The following MARCHF1 variants were observed in gnomAD, a reference collection of about 807,000 sequenced individuals.
MARCHF1 encodes E3 ubiquitin-protein ligase MARCHF1.
In MARCHF1, 40 loss-of-function variants were observed where a neutral mutation model predicts 54.2. The observed-to-expected ratio is 0.74, with a 90% confidence interval of 0.57 to 0.96. The LOEUF is 0.96. Among genes scored for constraint, MARCHF1 ranks in the 40% least tolerant of loss-of-function variants. MARCHF1 has a pLI of 0.00. For missense variants in MARCHF1, 586 were observed against 656.5 expected (o/e 0.89, Z 1.17); for synonymous variants, 236 against 236.3 (o/e 1.00, Z 0.01).
chr4:163,803,977 T>C (rs1748155998), intron 4 of MARCHF1, among the ~76,000 whole-genome samples: 1 of 152,206 alleles, frequency 6.6e-6, no homozygotes, highest in Admixed American at 6.5e-5. Flanking sequence ...CATGTTTTTA[T>C]TTATTTATTT....
At chr4:163,816,488 T>A (rs542424343) in intron 4 of MARCHF1, among the ~76,000 whole-genome samples, 1 of 152,046 alleles carries the variant, frequency 6.6e-6, no homozygotes, top group African/African-American at 2.4e-5. Context: ...TCTTTAATGA[T>A]ACTACCACTA....
At chr4:163,948,772 C>A (rs1377096618) in intron 3 of MARCHF1, among the ~76,000 whole-genome samples, 1 of 152,164 alleles carries the variant, frequency 6.6e-6, no homozygotes, top group Non-Finnish European at 1.5e-5. Context: ...GAAGGAAAGT[C>A]TACATTTAAT....
At chr4:164,046,046 T>C (rs1405337611) in intron 2 of MARCHF1, among the ~76,000 whole-genome samples, 1 of 152,168 alleles carries the variant, frequency 6.6e-6, no homozygotes, top group Non-Finnish European at 1.5e-5. Context: ...GTATGATCAT[T>C]TTCTTACTTC....
intron 4 of MARCHF1, among the ~76,000 whole-genome samples, chr4:163,811,432 G>A (rs980911152): frequency 1.3e-5 from 2 of 152,028 alleles, no homozygotes; most frequent in Middle Eastern, 3.2e-3. Flanking sequence ...CTACTTGGCA[G>A]GCTGAGAAGG....
intron 2 of MARCHF1, among the ~76,000 whole-genome samples, chr4:164,022,225 C>T (rs1753681307): frequency 6.6e-6 from 1 of 152,164 alleles, no homozygotes; most frequent in African/African-American, 2.4e-5. Context: ...AATACATAAG[C>T]TACTAGCCAA....
At chr4:163,806,404 T>G (rs1748224700) in intron 4 of MARCHF1, among the ~76,000 whole-genome samples, 1 of 152,202 alleles carries the variant, frequency 6.6e-6, no homozygotes, top group South Asian at 2.1e-4. Context: ...TGCCAATCCC[T>G]TTCTTTCCAC....
chr4:163,733,024 T>C (rs1745891565), intron 4 of MARCHF1, among the ~76,000 whole-genome samples: 1 of 150,060 alleles, frequency 6.7e-6, no homozygotes, highest in African/African-American at 2.5e-5. Context: ...TGGTGGCAGA[T>C]GCCTGTAATC....
chr4:163,933,043 T>C, intron 3 of MARCHF1: 1 of 1,478,132 alleles, frequency 6.8e-7, no homozygotes, highest in Non-Finnish European at 9.2e-7. Flanking sequence ...AACTTTTCTG[T>C]ATTTTACTAT....
chr4:163,616,100 A>G (rs1741499858), intron 5 of MARCHF1, among the ~76,000 whole-genome samples: 1 of 152,164 alleles, frequency 6.6e-6, no homozygotes, highest in Non-Finnish European at 1.5e-5. Context: ...TATAGACCCA[A>G]AACTAAAAGA....
intron 4 of MARCHF1, among the ~76,000 whole-genome samples, chr4:163,831,580 T>A (rs988804609): frequency 1.3e-5 from 2 of 150,194 alleles, no homozygotes; most frequent in Admixed American, 6.6e-5. Context: ...TAAAGCTCCA[T>A]CTGTTAAAAT....
chr4:164,168,946 C>T lies in MARCHF1; in HGVS notation c.-322-57284G>A, dbSNP rs192797349. On this transcript the variant is annotated intron_variant, in intron 1 of 9. Coordinates refer to ENST00000514618, the MANE Select transcript of MARCHF1 (RefSeq NM_001394959.1). The stretch of plus-strand genomic sequence containing the variant: ...CTACCATTACCACAGGGTGGGGAGG[C>T]ATGGTTGACAGACATAGGTCAAAGG... Among the ~76,000 whole-genome samples the T allele has an allele frequency of 3.0e-3, 449 of 152,064 alleles. 3 individuals are homozygous for T. The highest frequency in any genetic ancestry group is 1.0e-2 in the African/African-American group (414 of 41,522).
intron 4 of MARCHF1, among the ~76,000 whole-genome samples, chr4:163,763,148 A>G (rs370988940): frequency 2.6e-5 from 4 of 152,094 alleles, no homozygotes; most frequent in South Asian, 4.1e-4. Context: ...TCTGAACCAC[A>G]TATCTTTACA....
chr4:164,324,819 T>A (rs1735230595), intron 1 of MARCHF1, among the ~76,000 whole-genome samples: 1 of 151,354 alleles, frequency 6.6e-6, no homozygotes, highest in Admixed American at 6.6e-5. Flanking sequence ...CAAAAGAAGT[T>A]GTAATGAAAG....
At chr4:164,120,749 A>G (rs1490461880) in intron 1 of MARCHF1, among the ~76,000 whole-genome samples, 1 of 152,196 alleles carries the variant, frequency 6.6e-6, no homozygotes, top group Non-Finnish European at 1.5e-5. Flanking sequence ...GTCAATAAAG[A>G]TATTAAGAAG....
intron 1 of MARCHF1, among the ~76,000 whole-genome samples, chr4:164,291,080 A>G (rs1057040487): frequency 3.9e-5 from 6 of 151,970 alleles, no homozygotes; most frequent in African/African-American, 1.2e-4. Flanking sequence ...AGACTACTCC[A>G]GAGACTACGA....
At chr4:164,268,624 C>T (rs1335630863) in intron 1 of MARCHF1, among the ~76,000 whole-genome samples, 1 of 152,094 alleles carries the variant, frequency 6.6e-6, no homozygotes, top group Non-Finnish European at 1.5e-5. Context: ...ATTCACCAAG[C>T]TCTTCCAATA....
chr4:163,799,843 C>A (rs1748028387), intron 4 of MARCHF1, among the ~76,000 whole-genome samples: 1 of 152,080 alleles, frequency 6.6e-6, no homozygotes, highest in South Asian at 2.1e-4. Context: ...CTCCTACATT[C>A]ATCGCAGCAC....
chr4:163,736,235 A>G (rs987341865), intron 4 of MARCHF1, among the ~76,000 whole-genome samples: 4 of 152,076 alleles, frequency 2.6e-5, no homozygotes, highest in Admixed American at 6.6e-5. Context: ...TTCTGGAGAC[A>G]TTATTAAGTA....
At chr4:163,949,556 G>A (rs1752091839) in intron 3 of MARCHF1, among the ~76,000 whole-genome samples, 2 of 152,242 alleles carry the variant, frequency 1.3e-5, no homozygotes, top group Non-Finnish European at 2.9e-5. Context: ...CTTGTCTTGT[G>A]TCCAGAAAGA....
Sources: allele counts gnomAD v4.1 joint callset (sites outside exome capture counted in the v4.1 genomes callset), GRCh38; gene constraint gnomAD v4.1.1; transcripts MANE v1.5; gene names NCBI Gene and HGNC (gene_info 2026-07-23, HGNC 2026-07-21).